AK3: variants seen among roughly 807,000 people sequenced by gnomAD.
AK3 encodes the protein GTP:AMP phosphotransferase AK3, mitochondrial.
Under a neutral mutation model 23.7 loss-of-function variants are expected in AK3, and 27 were observed. The observed-to-expected ratio is 1.14, with a 90% confidence interval of 0.84 to 1.57. The LOEUF (loss-of-function observed/expected upper bound fraction) is 1.57, where lower values mean the gene tolerates loss of function less well. Ranked by LOEUF, AK3 falls within the 40% of genes most tolerant of loss-of-function variation. AK3 has a pLI of 0.00. For missense variants in AK3, 406 were observed against 285.6 expected (o/e 1.42, Z -3.04); for synonymous variants, 159 against 116.0 (o/e 1.37, Z -2.38).
chr9:4,719,008 A>T (rs541958654), intron 3 of AK3, 127 bp downstream of exon 3: 16 of 1,081,824 alleles, frequency 1.5e-5, no homozygotes, highest in Non-Finnish European at 2.1e-5. Flanking sequence ...AACTCTACCA[A>T]GTAACCTGAG....
intron 4 of AK3, among the ~76,000 whole-genome samples, chr9:4,718,099 C>T (rs554810003): frequency 7.9e-5 from 12 of 152,316 alleles, no homozygotes; most frequent in African/African-American, 2.2e-4. Flanking sequence ...GAAAGGTTAC[C>T]CCTCAGCCCT....
At chr9:4,720,263 T>C (rs458853) in intron 2 of AK3, among the ~76,000 whole-genome samples, 86,669 of 152,062 alleles carry the variant, frequency 0.57, 25,142 homozygotes, top group African/African-American at 0.66. Context: ...TACACCCAAG[T>C]ATATTAGGGA....
intron 1 of AK3, among the ~76,000 whole-genome samples, chr9:4,731,191 T>A (rs537174572): frequency 6.6e-6 from 1 of 152,240 alleles, no homozygotes; most frequent in South Asian, 2.1e-4. Flanking sequence ...GTCATGGGGG[T>A]TTGTTGTACA....
intron 4 of AK3, among the ~76,000 whole-genome samples, chr9:4,714,039 T>TACAC (rs1563781059): frequency 4.0e-3 from 15 of 3,710 alleles, no homozygotes; most frequent in Admixed American, 0.01. Flanking sequence ...CACATATACA[T>TACAC]CTACACATAT....
At chr9:4,728,548 G>T (rs1167998031) in intron 1 of AK3, among the ~76,000 whole-genome samples, 6 of 152,182 alleles carry the variant, frequency 3.9e-5, no homozygotes, top group Non-Finnish European at 8.8e-5. Flanking sequence ...TCCAGCCTGG[G>T]CAACAGAGTG....
chr9:4,740,651 G>C (rs1842407093), intron 1 of AK3, among the ~76,000 whole-genome samples: 1 of 152,178 alleles, frequency 6.6e-6, no homozygotes, highest in South Asian at 2.1e-4. Flanking sequence ...GAGGACTTGG[G>C]CCTCTGAAAC....
At chr9:4,735,027 G>T (rs1009788153) in intron 1 of AK3, among the ~76,000 whole-genome samples, 2 of 151,738 alleles carry the variant, frequency 1.3e-5, no homozygotes, top group African/African-American at 4.8e-5. Context: ...CAGAAGTGAC[G>T]GCTAATAGGT....
chr9:4,713,296 A>T (rs778440966), intron 4 of AK3, among the ~76,000 whole-genome samples, 200 bp from the exon 5 acceptor site: 4 of 152,220 alleles, frequency 2.6e-5, no homozygotes, highest in Non-Finnish European at 5.9e-5. Context: ...TCTGGCTTAC[A>T]AAAATGGGTG....
chr9:4,719,350 A>G, intron 2 of AK3, 43 bp from the exon 3 acceptor site: 1 of 358,128 alleles, frequency 2.8e-6, no homozygotes. Flanking sequence ...AAAAGAAAGG[A>G]AGTATGGGGT....
rs774671664 is a variant in AK3, at chr9:4,740,970, C to G, written c.118G>C (p.Asp40His). 8 of 1,584,036 alleles carry G rather than the reference C, an allele frequency of 5.1e-6. No individual in the cohort carries two copies. In the South Asian group the frequency reaches 8.0e-5, roughly 16 times the overall value. The change falls in exon 1 of 5, where the codon GAC becomes CAC. Residue 40 changes from aspartate to histidine, a missense_variant. Physicochemically the swap from Asp to His is moderately conservative, Grantham distance 81 (BLOSUM62 -1). Coordinates refer to ENST00000381809, the MANE Select transcript of AK3 (RefSeq NM_016282.4). ...HFELKHLSSG[D>H]LLRDNMLRGT... ...CGCAGCATGTTGTCCCGGAGCAGGT[C>G]CCCGCTGGAGAGGTGCTTCAGCTCG...
intron 4 of AK3, among the ~76,000 whole-genome samples, chr9:4,715,216 C>CA (rs1237615381): frequency 0.27 from 15,436 of 56,414 alleles, 1,923 homozygotes; most frequent in Non-Finnish European, 0.33. Context: ...GACTCCGTCT[C>CA]AAAAAAAAAA....
chr9:4,737,765 A>T (rs1842332162), intron 1 of AK3, among the ~76,000 whole-genome samples: 1 of 152,190 alleles, frequency 6.6e-6, no homozygotes, highest in South Asian at 2.1e-4. Flanking sequence ...TAAATGTCTT[A>T]AGGTCAGATT....
At chr9:4,723,991 C>T (rs1841963879) in intron 1 of AK3, among the ~76,000 whole-genome samples, 1 of 152,102 alleles carries the variant, frequency 6.6e-6, no homozygotes, top group Admixed American at 6.6e-5. Context: ...ATTCATGAAA[C>T]TTTAGATTTT....
At chr9:4,736,471 CCA>C (rs1491391769) in intron 1 of AK3, among the ~76,000 whole-genome samples, 1 of 48,874 alleles carries the variant, frequency 2.0e-5, no homozygotes, top group Admixed American at 2.0e-4. Flanking sequence ...TTTTACCATT[CCA>C]AAAAAAAAAA....
At chr9:4,715,215 T>TTAAA (rs1563782180) in intron 4 of AK3, among the ~76,000 whole-genome samples, 1 of 39,268 alleles carries the variant, frequency 2.5e-5, no homozygotes, top group African/African-American at 1.2e-4. Context: ...AGACTCCGTC[T>TTAAA]CAAAAAAAAA....
At chr9:4,737,800 G>A (rs181548684) in intron 1 of AK3, among the ~76,000 whole-genome samples, 8 of 152,308 alleles carry the variant, frequency 5.3e-5, no homozygotes, top group African/African-American at 1.9e-4. Context: ...CCAAGTTTCA[G>A]TGATGACCTA....
At chr9:4,729,445 C>T (rs1242815734) in intron 1 of AK3, among the ~76,000 whole-genome samples, 4 of 152,124 alleles carry the variant, frequency 2.6e-5, no homozygotes, top group Admixed American at 6.5e-5. Context: ...GTACTCCAGC[C>T]TGAGTGACAG....
At chr9:4,738,227 G>C (rs1291248560) in intron 1 of AK3, among the ~76,000 whole-genome samples, 1 of 152,016 alleles carries the variant, frequency 6.6e-6, no homozygotes, top group Admixed American at 6.6e-5. Flanking sequence ...ATGCAATGGC[G>C]CCATCTCGGC....
At chr9:4,724,115 G>A (rs1190553995) in intron 1 of AK3, among the ~76,000 whole-genome samples, 1 of 152,200 alleles carries the variant, frequency 6.6e-6, no homozygotes, top group African/African-American at 2.4e-5. Flanking sequence ...TGGATTTGCA[G>A]ACTGCACTTA....
Sources: allele counts gnomAD v4.1 joint callset (sites outside exome capture counted in the v4.1 genomes callset), GRCh38; gene constraint gnomAD v4.1.1; transcripts MANE v1.5; gene names NCBI Gene and HGNC (gene_info 2026-07-23, HGNC 2026-07-21).